Variants in LGSN observed in about 807,000 individuals in gnomAD.
The protein encoded by LGSN is lengsin.
In LGSN, 21 loss-of-function variants were observed where a neutral mutation model predicts 19.5. That is an observed-to-expected ratio of 1.07 (90% CI 0.76 to 1.55). LGSN has a LOEUF of 1.55. LGSN is among the 40% of genes most tolerant of loss of function. LGSN has a pLI of 0.00. For missense variants in LGSN, 673 were observed against 608.5 expected (o/e 1.11, Z -1.12); for synonymous variants, 257 against 215.6 (o/e 1.19, Z -1.68).
upstream of LGSN, among the ~76,000 whole-genome samples, chr6:63,322,683 C>T (rs1769112338): frequency 6.6e-6 from 1 of 152,168 alleles, no homozygotes; most frequent in Non-Finnish European, 1.5e-5. Context: ...CCCAAAAGTT[C>T]CTTTCATGAA....
chr6:63,337,368 A>G, the LGSN span, among the ~76,000 whole-genome samples: 1 of 151,568 alleles, frequency 6.6e-6, no homozygotes, highest in African/African-American at 2.4e-5. Context: ...TGACTGAGGC[A>G]TGAAAAATCA....
the LGSN span, among the ~76,000 whole-genome samples, chr6:63,485,987 C>T: frequency 6.6e-6 from 1 of 152,100 alleles, no homozygotes; most frequent in Non-Finnish European, 1.5e-5. Flanking sequence ...GTTTCAGCCT[C>T]CCAAAGTGCT....
the LGSN span, among the ~76,000 whole-genome samples, chr6:63,420,046 CA>C: frequency 4.0e-5 from 6 of 149,860 alleles, no homozygotes; most frequent in Non-Finnish European, 7.4e-5. Flanking sequence ...ACTAAAAATA[CA>C]AAAAAATTAG....
At chr6:63,435,586 G>C in the LGSN span, among the ~76,000 whole-genome samples, 1 of 150,606 alleles carries the variant, frequency 6.6e-6, no homozygotes, top group South Asian at 2.1e-4. Context: ...ATGTCAGATC[G>C]TGTGACTTCT....
the LGSN span, among the ~76,000 whole-genome samples, chr6:63,436,696 A>G: frequency 6.6e-6 from 1 of 152,276 alleles, no homozygotes; most frequent in Non-Finnish European, 1.5e-5. Context: ...GAACACACTC[A>G]TTGGGTTTGG....
At chr6:63,378,746 C>T in the LGSN span, among the ~76,000 whole-genome samples, 3 of 152,172 alleles carry the variant, frequency 2.0e-5, no homozygotes, top group Admixed American at 1.3e-4. Flanking sequence ...ACAACCCCAC[C>T]CCATGCTGAC....
At chr6:63,456,089 G>A in the LGSN span, among the ~76,000 whole-genome samples, 1 of 151,378 alleles carries the variant, frequency 6.6e-6, no homozygotes, top group Non-Finnish European at 1.5e-5. Context: ...AATTAGCCAG[G>A]TCTGATGGTG....
chr6:63,282,210 C>G (rs1204190038), intron 3 of LGSN, among the ~76,000 whole-genome samples: 1 of 152,154 alleles, frequency 6.6e-6, no homozygotes, highest in Non-Finnish European at 1.5e-5. Context: ...TTAGAAATAT[C>G]AACAAGGTTG....
the LGSN span, among the ~76,000 whole-genome samples, chr6:63,464,818 G>A: frequency 3.8e-4 from 58 of 152,074 alleles, no homozygotes; most frequent in African/African-American, 1.3e-3. Flanking sequence ...CATGAGGTCA[G>A]GAGTTTGAGA....
the LGSN span, among the ~76,000 whole-genome samples, chr6:63,564,249 C>G: frequency 6.7e-6 from 1 of 149,892 alleles, no homozygotes; most frequent in Non-Finnish European, 1.5e-5. Flanking sequence ...GCACTCCAGC[C>G]TGGGTGACAG....
the LGSN span, among the ~76,000 whole-genome samples, chr6:63,330,157 A>G: frequency 3.9e-5 from 6 of 152,228 alleles, no homozygotes; most frequent in African/African-American, 1.4e-4. Context: ...GCCTCGGCAT[A>G]GTGGACATGG....
the LGSN span, among the ~76,000 whole-genome samples, chr6:63,533,801 A>G: frequency 6.6e-6 from 1 of 151,806 alleles, no homozygotes; most frequent in East Asian, 1.9e-4. Context: ...AGTTACACAA[A>G]CAAAATATAG....
the LGSN span, among the ~76,000 whole-genome samples, chr6:63,355,676 C>G: frequency 6.6e-6 from 1 of 152,096 alleles, no homozygotes; most frequent in African/African-American, 2.4e-5. Flanking sequence ...CTCCAGTACT[C>G]TGTCTTTTTG....
the LGSN span, among the ~76,000 whole-genome samples, chr6:63,349,458 G>T: frequency 6.6e-6 from 1 of 152,202 alleles, no homozygotes; most frequent in Non-Finnish European, 1.5e-5. Flanking sequence ...GCTGTGAAAA[G>T]ATTTGTGATG....
the LGSN span, among the ~76,000 whole-genome samples, chr6:63,365,698 A>G: frequency 6.7e-4 from 102 of 152,268 alleles, 1 homozygote; most frequent in African/African-American, 2.3e-3. Context: ...ATAAAATACT[A>G]GCAAACTGAA....
At chr6:63,342,850 T>C in the LGSN span, among the ~76,000 whole-genome samples, 5 of 152,232 alleles carry the variant, frequency 3.3e-5, no homozygotes, top group Non-Finnish European at 5.9e-5. Flanking sequence ...CATTTAGCCT[T>C]AATCCTTATT....
chr6:63,523,210 A>G, the LGSN span, among the ~76,000 whole-genome samples: 159 of 152,202 alleles, frequency 1.0e-3, 2 homozygotes, highest in African/African-American at 3.6e-3. Flanking sequence ...ACGAGTCATC[A>G]AAAACAACTA....
intron 2 of LGSN, chr6:63,293,946 G>A (rs888541477): frequency 8.4e-6 from 3 of 358,592 alleles, no homozygotes; most frequent in Non-Finnish European, 1.7e-5. Flanking sequence ...TGAGAAAATA[G>A]TATATTTCTA....
the LGSN span, among the ~76,000 whole-genome samples, chr6:63,484,238 C>T: frequency 6.6e-6 from 1 of 152,144 alleles, no homozygotes; most frequent in African/African-American, 2.4e-5. Context: ...CACAATGGCT[C>T]ACGCCTGTAA....
Sources: allele counts gnomAD v4.1 joint callset (sites outside exome capture counted in the v4.1 genomes callset), GRCh38; gene constraint gnomAD v4.1.1; transcripts MANE v1.5; gene names NCBI Gene and HGNC (gene_info 2026-07-23, HGNC 2026-07-21).